The following GMNC variants were observed in gnomAD, a reference collection of about 807,000 sequenced individuals.
GMNC encodes the protein geminin coiled-coil domain containing.
GMNC carries 16 observed loss-of-function variants against 33.6 expected under a neutral mutation model. The ratio of observed to expected loss-of-function variants is 0.48; its 90% confidence interval spans 0.32 to 0.72. The LOEUF is 0.72. GMNC is among the 30% of genes least tolerant of loss of function. GMNC has a pLI of 0.03. For missense variants in GMNC, 393 were observed against 388.9 expected (o/e 1.01, Z -0.09); for synonymous variants, 156 against 147.3 (o/e 1.06, Z -0.43).
At position 190,852,789 on chromosome 3, in the gene GMNC, A is replaced by C. The variant is rs561681250; in HGVS notation, c.*2506T>G. 6.6e-6 allele frequency: 1 copy of C among 152,152 alleles called. No homozygotes were observed. The highest frequency in any genetic ancestry group is 1.5e-5 in the Non-Finnish European group (1 of 67,996). The allele number at this position is 152,152 out of a possible 1,614,324, so 9.4% of individuals were successfully genotyped here. ...GTATAAAAATAGTTACCGCAATCAC[A>C]AAAGAGTTTTTATTTCCCACTATAG... On this transcript the variant is annotated 3_prime_UTR_variant, in exon 5 of 5. Transcript: ENST00000442080.
chr3:190,861,335 C>T lies in GMNC; in HGVS notation c.4-477G>A, dbSNP rs1253000139. ...ATGGATGTGACATAATATAGACTAA[C>T]GTCTTCATTTTTGTTTCTGAATCAT... is the stretch of plus-strand genomic sequence containing the variant. On this transcript the variant is annotated intron_variant, in intron 1 of 4. Transcript: ENST00000442080. The surrounding 1 kb of genome is among the most constrained non-coding windows in gnomAD (Gnocchi z 5.1). Among the ~76,000 whole-genome samples, 2 of 152,252 alleles carry T rather than the reference C, an allele frequency of 1.3e-5. No homozygotes were observed. The highest frequency in any genetic ancestry group is 3.4e-3 in the Middle Eastern group (1 of 294).
rs73888733 is a variant in GMNC at position 190,858,066 on chromosome 3, T to C, written c.268-167A>G. On this transcript the variant is annotated intron_variant, in intron 3 of 4. Transcript: ENST00000442080. ...GGCCTAAATTAAATCTACATCCCCC[T>C]AATGCCTAGTTGTTCAGCTTTGTGC... is the stretch of plus-strand genomic sequence containing the variant. 2.7e-3 allele frequency: 1,647 copies of C among 598,938 alleles called. 10 individuals carry two copies. The highest frequency in any genetic ancestry group is 0.025 in the African/African-American group (1,345 of 54,040). 37.1% of individuals were successfully genotyped at this position (598,938 alleles called of 1,614,324 possible). A position where few individuals can be genotyped will look rare whatever the true frequency, so the allele number is the denominator to read the frequency against.
In GMNC at chr3:190,855,339, C is replaced by T. The variant is rs1408731584; in HGVS notation, c.961G>A (p.Glu321Lys). The stretch of plus-strand genomic sequence containing the variant: ...CAGGTAAACTTCCAGCCTCCCTCCT[C>T]ATCTCGACGCACAAAGGCTTGTCCC... ...HQGQAFVRRDEEGGWKFTWVP... is the reference protein window; with the variant it reads ...HQGQAFVRRDKEGGWKFTWVP... The change falls in exon 5 of 5, where the codon GAG becomes AAG. Residue 321 changes from glutamate to lysine, a missense_variant. Physicochemically the swap from Glu to Lys is moderately conservative, Grantham distance 56. Transcript: ENST00000442080. 2 of 1,551,706 alleles carry T rather than the reference C, an allele frequency of 1.3e-6. No individual in the cohort carries two copies. The highest frequency in any genetic ancestry group is 8.7e-7 in the Non-Finnish European group (1 of 1,146,856).
intron 2 of GMNC, chr3:190,859,724 A>G (rs1295717722): frequency 7.9e-6 from 3 of 380,592 alleles, no homozygotes; most frequent in Non-Finnish European, 1.6e-5. Flanking sequence ...TCAATAAAAA[A>G]CTATGGTTGG....
intron 4 of GMNC, among the ~76,000 whole-genome samples, chr3:190,856,337 A>G (rs1737739883): frequency 7.6e-6 from 1 of 131,304 alleles, no homozygotes; most frequent in South Asian, 2.3e-4. Flanking sequence ...ATAAATAAAT[A>G]AAAATATTTA....
downstream of GMNC, among the ~76,000 whole-genome samples, chr3:190,852,026 CATT>C (rs561335313): frequency 0.03 from 4,564 of 151,636 alleles, 106 homozygotes; most frequent in Non-Finnish European, 0.046. Context: ...AGTTGAAAAA[CATT>C]ATATATTTGT....
At chr3:190,860,943 C>A in intron 1 of GMNC, 85 bp from the exon 2 acceptor site, 2 of 906,326 alleles carry the variant, frequency 2.2e-6, no homozygotes, top group East Asian at 2.7e-5. Flanking sequence ...GGGAGAAATA[C>A]CGAAATTACA....
intron 3 of GMNC, among the ~76,000 whole-genome samples, chr3:190,858,385 C>T (rs1359681767): frequency 2.6e-5 from 4 of 152,138 alleles, no homozygotes; most frequent in East Asian, 1.9e-4. Context: ...GGACTCCTCC[C>T]TTGCATGTTT....
chr3:190,855,547 G>T lies in GMNC; in HGVS notation c.753C>A (p.Thr251=). Residue 251 remains threonine, a synonymous_variant, in exon 5 of 5, where the codon ACC becomes ACA. Coordinates refer to ENST00000442080, the MANE Select transcript of GMNC (RefSeq NM_001146686.3). ...MPIDYRGDRT[T]PLHSTATHGE... ...CATGAGTGGCAGTGCTGTGCAAGGG[G>T]GTTGTTCTGTCACCTCTATAGTCAA... is the stretch of plus-strand genomic sequence containing the variant. 6.4e-7 allele frequency: 1 copy of T among 1,551,586 alleles called. No individual in the cohort carries two copies. Among genetic ancestry groups the T allele is most frequent in the Non-Finnish European group, 8.7e-7 (1 of 1,146,902 alleles).
chr3:190,855,166 G>C lies in GMNC; in HGVS notation c.*129C>G. ...CCTGCAGATTTAAGTGGGTAATTGA[G>C]AGTGACATTTAAAGTGGCAGGAGAC... On this transcript the variant is annotated 3_prime_UTR_variant, in exon 5 of 5. Coordinates refer to ENST00000442080, the MANE Select transcript of GMNC (RefSeq NM_001146686.3). The C allele has an allele frequency of 1.1e-6, 1 of 891,752 alleles. No individual in the cohort carries two copies. Among genetic ancestry groups the C allele is most frequent in the Non-Finnish European group, 1.7e-6 (1 of 597,514 alleles). 55.2% of individuals were successfully genotyped at this position (891,752 alleles called of 1,614,324 possible).
In GMNC at chr3:190,862,420, AAGAG is replaced by A. The variant is rs113249463; in HGVS notation, c.3+189_3+192del. Among the ~76,000 whole-genome samples, 3,322 of 147,878 alleles carry A rather than the reference AAGAG, an allele frequency of 0.022. 116 individuals are homozygous for A. Among genetic ancestry groups the A allele is most frequent in the African/African-American group, 0.078 (3,128 of 40,280 alleles). ...GAAAGAAGAGGGAGAGAGGGAGAGA[AAGAG>A]AGAGAGAGAGAGAGAAAGCAGATAG... On this transcript the variant is annotated intron_variant, in intron 1 of 4. Transcript: ENST00000442080. This position sits in a 1 kb window ranked among gnomAD's most constrained non-coding sequence, Gnocchi z 4.5.
intron 1 of GMNC, 21 bp from the exon 2 acceptor site, chr3:190,860,879 G>A (rs1406445935): frequency 2.6e-6 from 4 of 1,515,090 alleles, no homozygotes; most frequent in East Asian, 2.5e-5. Context: ...CAGTATGGGG[G>A]GAGTGAGGGG....
chr3:190,845,561 G>A, the GMNC span, among the ~76,000 whole-genome samples: 4 of 141,670 alleles, frequency 2.8e-5, no homozygotes, highest in African/African-American at 1.1e-4. Context: ...CCAGACTGGA[G>A]TGCAGTGGTA....
In GMNC at chr3:190,861,059, G is replaced by C. The variant is rs890995823; in HGVS notation, c.4-201C>G. The stretch of plus-strand genomic sequence containing the variant: ...TTACTAAAAGGGAATGAGTTTCTTG[G>C]TTTACCCAGAATTTCCCTTAGGCCC... On this transcript the variant is annotated intron_variant, in intron 1 of 4. Transcript: ENST00000442080. This position sits in a 1 kb window ranked among gnomAD's most constrained non-coding sequence, Gnocchi z 5.1. 1.3e-5 allele frequency among the ~76,000 whole-genome samples: 2 copies of C among 152,142 alleles called. No homozygotes were observed. Among genetic ancestry groups the C allele is most frequent in the African/African-American group, 4.8e-5 (2 of 41,426 alleles).
rs1433155016 is a variant in GMNC, at chr3:190,861,379, T to C, written c.4-521A>G. On this transcript the variant is annotated intron_variant, in intron 1 of 4. Transcript: ENST00000442080. The surrounding 1 kb of genome is among the most constrained non-coding windows in gnomAD (Gnocchi z 5.1). ...GAATCATACTTGCCTTATTCCTTCCTTTTTCCTCCGTCTGACCTAACATAC... is the reference window on the plus strand; with the variant it reads ...GAATCATACTTGCCTTATTCCTTCCCTTTTCCTCCGTCTGACCTAACATAC... 6.6e-6 allele frequency among the ~76,000 whole-genome samples: 1 copy of C among 152,214 alleles called. No individual in the cohort carries two copies. The highest frequency in any genetic ancestry group is 1.5e-5 in the Non-Finnish European group (1 of 68,046).
chr3:190,847,625 G>A, the GMNC span, among the ~76,000 whole-genome samples: 3 of 152,156 alleles, frequency 2.0e-5, no homozygotes. Context: ...CCTGGATCCA[G>A]GTCATGTTGC....
chr3:190,846,579 T>C, the GMNC span, among the ~76,000 whole-genome samples: 1 of 152,178 alleles, frequency 6.6e-6, no homozygotes, highest in East Asian at 1.9e-4. Flanking sequence ...ACATATTTAT[T>C]TGGTAATTTA....
the GMNC span, among the ~76,000 whole-genome samples, chr3:190,847,663 A>C: frequency 6.6e-6 from 1 of 152,158 alleles, no homozygotes; most frequent in Non-Finnish European, 1.5e-5. Flanking sequence ...TAAGGAAAAA[A>C]GATTACATTC....
chr3:190,852,214 T>G (rs1340669453), downstream of GMNC, among the ~76,000 whole-genome samples: 1 of 152,170 alleles, frequency 6.6e-6, no homozygotes, highest in African/African-American at 2.4e-5. Flanking sequence ...ATATTAACGC[T>G]ATACTTTTCT....
Sources: allele counts gnomAD v4.1 joint callset (sites outside exome capture counted in the v4.1 genomes callset), GRCh38; gene constraint gnomAD v4.1.1; non-coding constraint Gnocchi (gnomAD v3.1); transcripts MANE v1.5; gene names NCBI Gene and HGNC (gene_info 2026-07-23, HGNC 2026-07-21).